Variants in ANKS1B observed in about 807,000 individuals in gnomAD.
ANKS1B encodes the protein ankyrin repeat and sterile alpha motif domain-containing protein 1B.
A neutral mutation model predicts 148.3 loss-of-function variants in ANKS1B; 36 were observed. That is an observed-to-expected ratio of 0.24 (90% CI 0.19 to 0.32). ANKS1B has a LOEUF of 0.32. ANKS1B is among the 10% of genes least tolerant of loss of function. The probability of loss-of-function intolerance (pLI) is 1.00; values close to 1 mark genes in which losing one functional copy is unlikely to be tolerated. For synonymous variants in ANKS1B, 542 were observed against 560.8 expected (o/e 0.97, Z 0.47); for missense variants, 1,157 against 1,542.6 (o/e 0.75, Z 4.19).
At chr12:99,717,973 G>A (rs1384353501) in intron 8 of ANKS1B, among the ~76,000 whole-genome samples, 16 of 140,370 alleles carry the variant, frequency 1.1e-4, no homozygotes, top group South Asian at 6.8e-4. Flanking sequence ...GCGCGATCTC[G>A]GCTCACTGCA....
chr12:99,767,087 G>A (rs966295959), intron 8 of ANKS1B, among the ~76,000 whole-genome samples: 1 of 151,930 alleles, frequency 6.6e-6, no homozygotes, highest in South Asian at 2.1e-4. Flanking sequence ...CTCAAGAATA[G>A]CTTGGCATTA....
At chr12:99,015,632 C>A (rs1224312157) in intron 17 of ANKS1B, among the ~76,000 whole-genome samples, 8 of 151,966 alleles carry the variant, frequency 5.3e-5, no homozygotes, top group Admixed American at 5.2e-4. Flanking sequence ...TTTGAGAGGC[C>A]GAGGTGGGCG....
At chr12:99,311,156 C>T (rs1192267574) in intron 12 of ANKS1B, among the ~76,000 whole-genome samples, 1 of 152,164 alleles carries the variant, frequency 6.6e-6, no homozygotes, top group Non-Finnish European at 1.5e-5. Context: ...ATTTCTTACA[C>T]TCTTAAGACT....
At chr12:99,740,394 T>C (rs2059985718) in intron 8 of ANKS1B, among the ~76,000 whole-genome samples, 1 of 152,164 alleles carries the variant, frequency 6.6e-6, no homozygotes, top group African/African-American at 2.4e-5. Flanking sequence ...AATATTATAA[T>C]GCAGCACCTC....
chr12:99,322,229 T>G (rs1225933249), intron 12 of ANKS1B, among the ~76,000 whole-genome samples: 1 of 151,974 alleles, frequency 6.6e-6, no homozygotes, highest in Admixed American at 6.6e-5. Flanking sequence ...CTGGAAGCCA[T>G]CATCCTCAGT....
chr12:98,820,755 C>T (rs1206847733), intron 19 of ANKS1B, among the ~76,000 whole-genome samples: 1 of 152,106 alleles, frequency 6.6e-6, no homozygotes, highest in Non-Finnish European at 1.5e-5. Flanking sequence ...CCAGTGTTAA[C>T]TAGGTTATAA....
chr12:99,714,337 T>C (rs117971555), intron 8 of ANKS1B, among the ~76,000 whole-genome samples: 3 of 152,200 alleles, frequency 2.0e-5, no homozygotes. Flanking sequence ...TAATCACCTG[T>C]GAAGCCCTTT....
At chr12:99,962,673 A>G (rs1279851728) in intron 1 of ANKS1B, among the ~76,000 whole-genome samples, 3 of 152,206 alleles carry the variant, frequency 2.0e-5, no homozygotes, top group Non-Finnish European at 4.4e-5. Flanking sequence ...CCAACAGTGT[A>G]AAAGCTTCCT....
intron 17 of ANKS1B, among the ~76,000 whole-genome samples, chr12:98,968,628 C>T (rs2099880647): frequency 6.6e-6 from 1 of 152,176 alleles, no homozygotes; most frequent in Non-Finnish European, 1.5e-5. Flanking sequence ...TAACCCTTCA[C>T]CTTTCTCTCT....
intron 9 of ANKS1B, among the ~76,000 whole-genome samples, chr12:99,580,606 G>A (rs1473075960): frequency 1.3e-5 from 2 of 152,160 alleles, no homozygotes; most frequent in African/African-American, 2.4e-5. Flanking sequence ...TAGCGAAGCG[G>A]GGGATGGTGA....
intron 1 of ANKS1B, among the ~76,000 whole-genome samples, chr12:99,870,453 C>G (rs2091364932): frequency 1.3e-5 from 2 of 152,004 alleles, no homozygotes; most frequent in East Asian, 3.9e-4. Flanking sequence ...GGATATAGAC[C>G]CAGTAATGTG....
At position 99,806,395 on chromosome 12, in the gene ANKS1B, C is replaced by A; in HGVS notation, c.669+9G>T. On this transcript the variant is annotated intron_variant, in intron 4 of 26. Transcript: ENST00000683438. ...ATCACTTTTAAAGCATAGCTAAAAGCACACTCACTTGACAGCTCACATCCA... is the reference window on the plus strand; with the variant it reads ...ATCACTTTTAAAGCATAGCTAAAAGAACACTCACTTGACAGCTCACATCCA... 1 of 1,612,856 alleles carries A rather than the reference C, an allele frequency of 6.2e-7. No individual in the cohort carries two copies.
intron 7 of ANKS1B, among the ~76,000 whole-genome samples, chr12:99,773,787 A>G (rs2063408910): frequency 6.6e-6 from 1 of 152,074 alleles, no homozygotes; most frequent in African/African-American, 2.4e-5. Flanking sequence ...AGATGCATGG[A>G]TTTATTTCTG....
chr12:99,376,426 G>A (rs1220749023), intron 12 of ANKS1B, among the ~76,000 whole-genome samples: 1 of 152,234 alleles, frequency 6.6e-6, no homozygotes, highest in East Asian at 1.9e-4. Flanking sequence ...ACTTTATCTG[G>A]GGTGTTCAGA....
intron 9 of ANKS1B, among the ~76,000 whole-genome samples, chr12:99,558,800 C>G (rs951322537): frequency 2.0e-5 from 3 of 152,156 alleles, no homozygotes; most frequent in Admixed American, 2.0e-4. Flanking sequence ...AAGCTAAAGC[C>G]TCCTGGAGGA....
rs149564384 is a variant in ANKS1B at position 99,214,819 on chromosome 12, A to G, written c.2419+29523T>C. 1.4e-4 allele frequency among the ~76,000 whole-genome samples: 22 copies of G among 152,332 alleles called. 1 individual carries two copies. The highest frequency in any genetic ancestry group is 4.1e-4 in the African/African-American group (17 of 41,582). ...GATGTGGTAAAGTTTAGAGCTTCCT[A>G]GAGACTTGTTGAATGGTTTTGACCA... On this transcript the variant is annotated intron_variant, in intron 14 of 26. Coordinates refer to ENST00000683438, the MANE Select transcript of ANKS1B (RefSeq NM_001352186.2).
At chr12:99,162,040 A>C (rs1453716895) in intron 14 of ANKS1B, among the ~76,000 whole-genome samples, 1 of 152,204 alleles carries the variant, frequency 6.6e-6, no homozygotes, top group African/African-American at 2.4e-5. Context: ...GAACCTTGAA[A>C]ACATCATGCC....
chr12:98,992,700 T>A (rs1470618554), intron 17 of ANKS1B, among the ~76,000 whole-genome samples: 1 of 152,180 alleles, frequency 6.6e-6, no homozygotes, highest in Non-Finnish European at 1.5e-5. Context: ...TACTACACCC[T>A]CCTTAATGAG....
At chr12:99,683,823 AC>A (rs67881758) in intron 8 of ANKS1B, among the ~76,000 whole-genome samples, 18,437 of 152,196 alleles carry the variant, frequency 0.12, 1,739 homozygotes, top group East Asian at 0.46. Flanking sequence ...GGTTCAACAT[AC>A]ACAAATAAAT....
Sources: allele counts gnomAD v4.1 joint callset (sites outside exome capture counted in the v4.1 genomes callset), GRCh38; gene constraint gnomAD v4.1.1; transcripts MANE v1.5; gene names NCBI Gene and HGNC (gene_info 2026-07-23, HGNC 2026-07-21).